ADARB2: variants seen among roughly 807,000 people sequenced by gnomAD.
ADARB2 encodes the protein adenosine deaminase RNA specific B2 (inactive).
In ADARB2, 25 loss-of-function variants were observed where a neutral mutation model predicts 62.2. The observed-to-expected ratio is 0.40, with a 90% CI of 0.29 to 0.56. The LOEUF is 0.56. ADARB2 is among the 20% of genes least tolerant of loss of function. ADARB2 has a pLI of 0.43. For synonymous variants in ADARB2, 572 were observed against 500.8 expected (o/e 1.14, Z -1.90); for missense variants, 1,071 against 1,077.4 (o/e 0.99, Z 0.08).
rs374856530 is a variant in ADARB2, at chr10:1,505,798, G to A, written c.101-126638C>T. ...TGGTTCTGCCACTCCCGTCCCCACC[G>A]TCTGCACTCCAGACATCTTCTTGAA... is the stretch of plus-strand genomic sequence containing the variant. On this transcript the variant is annotated intron_variant, in intron 1 of 9. Transcript: ENST00000381312. Among the ~76,000 whole-genome samples, 47 of 151,968 alleles carry A rather than the reference G, an allele frequency of 3.1e-4. No individual in the cohort carries two copies. In the East Asian group the frequency reaches 6.4e-3, roughly 21 times the overall value.
intron 1 of ADARB2, among the ~76,000 whole-genome samples, chr10:1,428,287 T>C (rs1453893425): frequency 1.4e-5 from 2 of 142,672 alleles, no homozygotes; most frequent in African/African-American, 5.7e-5. Context: ...AATGTTTTTA[T>C]GCCTATTTTT....
chr10:1,709,758 C>A (rs772641130), intron 1 of ADARB2, among the ~76,000 whole-genome samples: 1 of 152,170 alleles, frequency 6.6e-6, no homozygotes, highest in African/African-American at 2.4e-5. Context: ...TTACAGGAAG[C>A]CCTTGGCACG....
chr10:1,563,636 T>TAAA (rs202109649), intron 1 of ADARB2, among the ~76,000 whole-genome samples: 4 of 151,056 alleles, frequency 2.6e-5, no homozygotes, highest in African/African-American at 9.7e-5. Flanking sequence ...CTTTTTTTTT[T>TAAA]ATTATTATTA....
chr10:1,301,977 G>A (rs1050668056), intron 3 of ADARB2, among the ~76,000 whole-genome samples: 7 of 152,190 alleles, frequency 4.6e-5, no homozygotes, highest in Admixed American at 6.5e-5. Context: ...GTTGTGCACT[G>A]CATGGGTTTG....
At chr10:1,642,626 A>G (rs938048641) in intron 1 of ADARB2, among the ~76,000 whole-genome samples, 2 of 152,220 alleles carry the variant, frequency 1.3e-5, no homozygotes, top group African/African-American at 4.8e-5. Context: ...CCTGCTACCA[A>G]TAAGTATCAC....
intron 1 of ADARB2, among the ~76,000 whole-genome samples, chr10:1,503,822 C>T (rs1831798012): frequency 6.6e-6 from 1 of 152,076 alleles, no homozygotes; most frequent in African/African-American, 2.4e-5. Flanking sequence ...TCCTACTCTG[C>T]CATGTGACAT....
intron 1 of ADARB2, among the ~76,000 whole-genome samples, chr10:1,517,808 A>G (rs1025956927): frequency 6.6e-6 from 1 of 152,126 alleles, no homozygotes; most frequent in Non-Finnish European, 1.5e-5. Flanking sequence ...CTAGCCAGGA[A>G]GTTACTTAAT....
intron 1 of ADARB2, among the ~76,000 whole-genome samples, chr10:1,445,789 G>A (rs1830962002): frequency 6.6e-6 from 1 of 152,220 alleles, no homozygotes; most frequent in Admixed American, 6.5e-5. Flanking sequence ...ATGAGCTAAT[G>A]GGCTAATAAG....
chr10:1,330,219 G>A (rs575264968), intron 3 of ADARB2, among the ~76,000 whole-genome samples: 2 of 152,212 alleles, frequency 1.3e-5, no homozygotes, highest in South Asian at 4.2e-4. Flanking sequence ...AGAGGCAGCA[G>A]GTAGAGGATG....
chr10:1,358,383 G>T (rs1832217036), intron 3 of ADARB2, among the ~76,000 whole-genome samples: 1 of 152,154 alleles, frequency 6.6e-6, no homozygotes, highest in African/African-American at 2.4e-5. Flanking sequence ...GTCCATCCCA[G>T]GAGGAAAAGG....
intron 1 of ADARB2, among the ~76,000 whole-genome samples, chr10:1,543,164 A>T (rs1832464213): frequency 6.6e-6 from 1 of 152,230 alleles, no homozygotes; most frequent in South Asian, 2.1e-4. Flanking sequence ...CCCACGGTGC[A>T]GGATGGCGGC....
intron 1 of ADARB2, among the ~76,000 whole-genome samples, chr10:1,698,817 T>C (rs540304060): frequency 2.0e-4 from 31 of 152,358 alleles, no homozygotes; most frequent in African/African-American, 7.2e-4. Flanking sequence ...TGGAATGCAA[T>C]GGCATTATCT....
intron 3 of ADARB2, among the ~76,000 whole-genome samples, chr10:1,327,980 A>ACAGTTCAGTGTCTCACCAGTACT (rs1564258890): frequency 0.1 from 8,023 of 80,310 alleles, 45 homozygotes; most frequent in Middle Eastern, 0.2. Context: ...GCGCCTCCTC[A>ACAGTTCAGTGTCTCACCAGTACT]CAGCGCCTCC....
At chr10:1,453,046 A>AG (rs1831058082) in intron 1 of ADARB2, among the ~76,000 whole-genome samples, 1 of 152,094 alleles carries the variant, frequency 6.6e-6, no homozygotes, top group Non-Finnish European at 1.5e-5. Flanking sequence ...CATTGGGGCC[A>AG]CACTTTGAGG....
chr10:1,414,480 C>T (rs1232771479), intron 1 of ADARB2, among the ~76,000 whole-genome samples: 1 of 152,202 alleles, frequency 6.6e-6, no homozygotes, highest in Non-Finnish European at 1.5e-5. Context: ...TGACTCCTTG[C>T]TCCTTGCTCT....
intron 4 of ADARB2, among the ~76,000 whole-genome samples, chr10:1,258,495 C>A (rs1398739299): frequency 6.6e-6 from 1 of 152,140 alleles, no homozygotes; most frequent in Non-Finnish European, 1.5e-5. Context: ...GCAGGGGTTG[C>A]AATCCTAGTC....
At chr10:1,287,659 A>G (rs1455624611) in intron 3 of ADARB2, among the ~76,000 whole-genome samples, 1 of 152,244 alleles carries the variant, frequency 6.6e-6, no homozygotes, top group Non-Finnish European at 1.5e-5. Flanking sequence ...TGTTCCATTT[A>G]GTCACTTTTA....
intron 1 of ADARB2, among the ~76,000 whole-genome samples, chr10:1,732,648 G>T (rs1158364411): frequency 6.6e-6 from 1 of 152,202 alleles, no homozygotes; most frequent in Non-Finnish European, 1.5e-5. Flanking sequence ...CTGTCAGTGA[G>T]CGAGATAAGC....
chr10:1,344,631 T>G (rs1302449113), intron 3 of ADARB2, among the ~76,000 whole-genome samples: 1 of 152,192 alleles, frequency 6.6e-6, no homozygotes, highest in African/African-American at 2.4e-5. Flanking sequence ...ACGGACCCCA[T>G]GCCTTTCACA....
Sources: allele counts gnomAD v4.1 joint callset (sites outside exome capture counted in the v4.1 genomes callset), GRCh38; gene constraint gnomAD v4.1.1; transcripts MANE v1.5; gene names NCBI Gene and HGNC (gene_info 2026-07-23, HGNC 2026-07-21).